The following FNTB variants were observed in gnomAD, a reference collection of about 807,000 sequenced individuals.
The protein encoded by FNTB is farnesyltransferase, CAAX box, subunit beta.
In FNTB, 27 loss-of-function variants were observed where a neutral mutation model predicts 59.4. The ratio of observed to expected loss-of-function variants is 0.45; its 90% confidence interval spans 0.34 to 0.63. FNTB has a LOEUF of 0.63. FNTB is among the 20% of genes least tolerant of loss of function. FNTB has a pLI of 0.02. For missense variants in FNTB, 449 were observed against 559.6 expected (o/e 0.80, Z 1.99); for synonymous variants, 230 against 220.7 (o/e 1.04, Z -0.37).
intron 1 of FNTB, among the ~76,000 whole-genome samples, chr14:64,989,639 TATAA>T (rs1055103530): frequency 6.6e-6 from 1 of 152,222 alleles, no homozygotes; most frequent in Non-Finnish European, 1.5e-5. Context: ...GAGTTAAACC[TATAA>T]ATAGTGGAAG....
chr14:65,034,194 A>T (rs1055947366), intron 7 of FNTB, among the ~76,000 whole-genome samples: 1 of 152,132 alleles, frequency 6.6e-6, no homozygotes, highest in Non-Finnish European at 1.5e-5. Context: ...CCCCTTCTGG[A>T]GCCCTCTGCC....
intron 4 of FNTB, among the ~76,000 whole-genome samples, chr14:65,016,216 T>C (rs2061771384): frequency 6.6e-6 from 1 of 152,242 alleles, no homozygotes; most frequent in African/African-American, 2.4e-5. Context: ...ATGCCATGAC[T>C]CTCAGTTTTC....
At position 65,023,757 on chromosome 14, in the gene FNTB, A is replaced by G. The variant is rs1212235210; in HGVS notation, c.375-3696A>G. 6.6e-6 allele frequency among the ~76,000 whole-genome samples: 1 copy of G among 152,142 alleles called. No homozygotes were observed. Among genetic ancestry groups the G allele is most frequent in the African/African-American group, 2.4e-5 (1 of 41,432 alleles). On this transcript the variant is annotated intron_variant, in intron 4 of 11. Coordinates refer to ENST00000246166, the MANE Select transcript of FNTB (RefSeq NM_002028.4). The surrounding 1 kb of genome is among the most constrained non-coding windows in gnomAD (Gnocchi z 4.1). ...CAGATGTATCTCATTGCTACTCAAA[A>G]TGTGGTCCCCAGACCAGGAGCATTG...
rs34879850 is a variant in FNTB at position 65,047,978 on chromosome 14, ATTTTTT to A, written c.955+3557_955+3562del. On this transcript the variant is annotated intron_variant, in intron 9 of 11. Coordinates refer to ENST00000246166, the MANE Select transcript of FNTB (RefSeq NM_002028.4). This position sits in a 1 kb window ranked among gnomAD's most constrained non-coding sequence, Gnocchi z 5.2. ...AGACAGAAGGAGGGAGACTTTTTAG[ATTTTTT>A]TTTTTTTTTTTTTTTTTTTTTGAGA... 3.1e-5 allele frequency among the ~76,000 whole-genome samples: 2 copies of A among 64,128 alleles called. No individual in the cohort carries two copies. The highest frequency in any genetic ancestry group is 2.1e-4 in the Admixed American group (1 of 4,698). 42.1% of individuals were successfully genotyped at this position (64,128 alleles called of 152,430 possible). A position where few individuals can be genotyped will look rare whatever the true frequency, so the allele number is the denominator to read the frequency against.
intron 11 of FNTB, among the ~76,000 whole-genome samples, chr14:65,055,026 G>A (rs966892583): frequency 1.3e-5 from 2 of 152,230 alleles, no homozygotes; most frequent in African/African-American, 2.4e-5. Context: ...CAGCAGGCTC[G>A]TGATAGCACT....
Position 65,044,580 on chromosome 14 carries a change from C to G in FNTB, c.955+137C>G. On this transcript the variant is annotated intron_variant, in intron 9 of 11. Transcript: ENST00000246166. The surrounding 1 kb of genome is among the most constrained non-coding windows in gnomAD (Gnocchi z 5.5). ...TGGATTTTGAGTGCCCAGTGTGGAACCTCATGCCGTGGGGCATGCGAATGC... is the reference window on the plus strand; with the variant it reads ...TGGATTTTGAGTGCCCAGTGTGGAAGCTCATGCCGTGGGGCATGCGAATGC... 7.7e-7 allele frequency: 1 copy of G among 1,300,412 alleles called. No homozygotes were observed. The highest frequency in any genetic ancestry group is 1.0e-6 in the Non-Finnish European group (1 of 977,352). 80.6% of individuals were successfully genotyped at this position (1,300,412 alleles called of 1,614,324 possible).
chr14:65,044,759 G>A lies in FNTB; in HGVS notation c.955+316G>A, dbSNP rs527344173. 2 of 326,104 alleles carry A rather than the reference G, an allele frequency of 6.1e-6. No homozygotes were observed. The highest frequency in any genetic ancestry group is 2.2e-5 in the African/African-American group (1 of 45,440). 20.2% of individuals were successfully genotyped at this position (326,104 alleles called of 1,614,324 possible). A position where few individuals can be genotyped will look rare whatever the true frequency, so the allele number is the denominator to read the frequency against. Reference sequence around the variant, plus strand: ...GAAGGAGCAGCCCACTCCTGTCCTGGGCTCTGTGGTGATTGCCACCTCCTC... The same window carrying A: ...GAAGGAGCAGCCCACTCCTGTCCTGAGCTCTGTGGTGATTGCCACCTCCTC... On this transcript the variant is annotated intron_variant, in intron 9 of 11. Coordinates refer to ENST00000246166, the MANE Select transcript of FNTB (RefSeq NM_002028.4). The surrounding 1 kb of genome is among the most constrained non-coding windows in gnomAD (Gnocchi z 5.5).
chr14:65,006,321 G>A, intron 2 of FNTB: 1 of 1,610,158 alleles, frequency 6.2e-7, no homozygotes, highest in Non-Finnish European at 8.5e-7. Flanking sequence ...CAGCTTACTA[G>A]TATAGTCTTT....
intron 8 of FNTB, 90 bp downstream of exon 8, chr14:65,041,009 T>TA (rs1215651646): frequency 5.2e-6 from 8 of 1,550,774 alleles, no homozygotes; most frequent in Non-Finnish European, 7.0e-6. Context: ...AGAGTTTGGC[T>TA]ATGGGAAGGG....
rs1250823903 is a variant in FNTB at position 65,053,341 on chromosome 14, A to G, written c.1059A>G (p.Lys353=). The G allele has an allele frequency of 1.4e-6, 2 of 1,434,366 alleles. No homozygotes were observed. The highest frequency in any genetic ancestry group is 1.8e-6 in the Non-Finnish European group (2 of 1,087,594). 88.9% of individuals were successfully genotyped at this position (1,434,366 alleles called of 1,614,324 possible). A position where few individuals can be genotyped will look rare whatever the true frequency, so the allele number is the denominator to read the frequency against. The stretch of plus-strand genomic sequence containing the variant: ...GCCCTGCGGGGGGGCTTCTGGATAA[A>G]CCTGGCAAGTGAGTGTTTTCTCTCT... ...CQCPAGGLLD[K]PGKSRDFYHT... The change falls in exon 10 of 12, where the codon AAA becomes AAG. Residue 353 remains lysine (K), a synonymous_variant. Coordinates refer to ENST00000246166, the MANE Select transcript of FNTB (RefSeq NM_002028.4).
At chr14:65,058,892 T>C (rs73270859) in intron 11 of FNTB, among the ~76,000 whole-genome samples, 14,366 of 152,214 alleles carry the variant, frequency 0.094, 2,231 homozygotes, top group African/African-American at 0.33. Flanking sequence ...TATTTAGGAT[T>C]TTTTTGCATG....
At chr14:65,035,122 A>G (rs1221422662) in intron 7 of FNTB, among the ~76,000 whole-genome samples, 2 of 152,160 alleles carry the variant, frequency 1.3e-5, no homozygotes, top group Admixed American at 1.3e-4. Flanking sequence ...ATTCGTCCTC[A>G]GTTTCTGGCA....
chr14:65,005,449 TTTTCTTTCTTTCTTTCTTTC>T (rs71123898), intron 2 of FNTB, among the ~76,000 whole-genome samples: 93 of 119,910 alleles, frequency 7.8e-4, no homozygotes, highest in Non-Finnish European at 1.1e-3. Flanking sequence ...TCTTCCTTTC[TTTTCTTTCTTTCTTTCTTTC>T]TTTCTTTCTT....
chr14:65,028,001 A>G lies in FNTB; in HGVS notation c.605+220A>G, dbSNP rs1212459720. 6.6e-6 allele frequency among the ~76,000 whole-genome samples: 1 copy of G among 152,356 alleles called. No individual in the cohort carries two copies. Among genetic ancestry groups the G allele is most frequent in the East Asian group, 1.9e-4 (1 of 5,190 alleles). On this transcript the variant is annotated intron_variant, in intron 6 of 11. Transcript: ENST00000246166. The surrounding 1 kb of genome is among the most constrained non-coding windows in gnomAD (Gnocchi z 4.4). ...TTATTTTATGTAAATGTGAAAATAT[A>G]AGAAACAAATGCTTTTGTTTTAGAA...
chr14:65,049,022 G>A (rs1461411799), intron 9 of FNTB, among the ~76,000 whole-genome samples: 1 of 152,112 alleles, frequency 6.6e-6, no homozygotes, highest in Non-Finnish European at 1.5e-5. Context: ...AGCTACTCAG[G>A]AGGCTGAGGC....
At chr14:65,010,376 T>C (rs535536570) in intron 2 of FNTB, among the ~76,000 whole-genome samples, 1 of 152,362 alleles carries the variant, frequency 6.6e-6, no homozygotes, top group South Asian at 2.1e-4. Flanking sequence ...GTGTGTAACC[T>C]GAATCCCTCT....
rs545381473 is a variant in FNTB at position 64,991,536 on chromosome 14, G to A, written c.144+4439G>A. On this transcript the variant is annotated intron_variant, in intron 1 of 11. Coordinates refer to ENST00000246166, the MANE Select transcript of FNTB (RefSeq NM_002028.4). This position sits in a 1 kb window ranked among gnomAD's most constrained non-coding sequence, Gnocchi z 4.4. The stretch of plus-strand genomic sequence containing the variant: ...GGTGAATCTCTTTAACCTGGGAGGC[G>A]GAGGTTGCAGTGAGCCGAGATTGCA... Among the ~76,000 whole-genome samples the A allele has an allele frequency of 5.3e-5, 8 of 152,228 alleles. No individual in the cohort carries two copies. Among genetic ancestry groups the A allele is most frequent in the African/African-American group, 1.4e-4 (6 of 41,530 alleles).
intron 1 of FNTB, among the ~76,000 whole-genome samples, chr14:64,998,240 G>T (rs1888475385): frequency 6.6e-6 from 1 of 152,134 alleles, no homozygotes; most frequent in Admixed American, 6.6e-5. Flanking sequence ...TAAAAATCTT[G>T]TTTTATCAAA....
At chr14:65,018,474 A>C (rs1218940517) in intron 4 of FNTB, among the ~76,000 whole-genome samples, 1 of 152,214 alleles carries the variant, frequency 6.6e-6, no homozygotes, top group Non-Finnish European at 1.5e-5. Context: ...AGAAAGATAC[A>C]TGTAGTAGTT....
Sources: allele counts gnomAD v4.1 joint callset (sites outside exome capture counted in the v4.1 genomes callset), GRCh38; gene constraint gnomAD v4.1.1; non-coding constraint Gnocchi (gnomAD v3.1); transcripts MANE v1.5; gene names NCBI Gene and HGNC (gene_info 2026-07-23, HGNC 2026-07-21).